The following LRMDA variants were observed in gnomAD, a reference collection of about 807,000 sequenced individuals.
LRMDA encodes leucine-rich melanocyte differentiation-associated protein.
Under a neutral mutation model 29.8 loss-of-function variants are expected in LRMDA, and 18 were observed. That is an observed-to-expected ratio of 0.60 (90% CI 0.42 to 0.90). LRMDA has a LOEUF of 0.90. Among genes scored for constraint, LRMDA ranks in the 40% least tolerant of loss-of-function variants. The probability of loss-of-function intolerance (pLI) is 0.00; values close to 1 mark genes in which losing one functional copy is unlikely to be tolerated. For missense variants in LRMDA, 273 were observed against 273.9 expected (o/e 1.00, Z 0.02); for synonymous variants, 125 against 109.4 (o/e 1.14, Z -0.89).
intron 6 of LRMDA, 22 bp downstream of exon 6, chr10:76,324,507 G>A (rs376408399): frequency 1.9e-6 from 3 of 1,607,608 alleles, no homozygotes; most frequent in African/African-American, 2.7e-5. Context: ...GCTTTTTATT[G>A]CTCTCAGTGG....
chr10:75,812,232 C>T (rs775121607), intron 2 of LRMDA, among the ~76,000 whole-genome samples: 46 of 147,766 alleles, frequency 3.1e-4, no homozygotes, highest in Non-Finnish European at 6.2e-4. Flanking sequence ...TATTTTATGC[C>T]GATGACAAGG....
chr10:76,005,927 T>A (rs201878197), intron 2 of LRMDA, among the ~76,000 whole-genome samples: 1 of 148,412 alleles, frequency 6.7e-6, no homozygotes, highest in Non-Finnish European at 1.5e-5. Context: ...AGACTCCATC[T>A]TAAATAAATA....
intron 2 of LRMDA, among the ~76,000 whole-genome samples, chr10:75,950,222 T>C (rs1846550421): frequency 6.6e-6 from 1 of 152,196 alleles, no homozygotes; most frequent in Non-Finnish European, 1.5e-5. Flanking sequence ...ACTCATCAGC[T>C]CTGCCCTTCT....
intron 2 of LRMDA, among the ~76,000 whole-genome samples, chr10:75,508,787 C>A (rs1192011272): frequency 6.6e-6 from 1 of 152,180 alleles, no homozygotes; most frequent in Non-Finnish European, 1.5e-5. Context: ...ATTACCCACA[C>A]AAATATATTT....
intron 5 of LRMDA, among the ~76,000 whole-genome samples, chr10:76,073,367 G>A (rs539311051): frequency 6.6e-6 from 1 of 152,174 alleles, no homozygotes; most frequent in South Asian, 2.1e-4. Flanking sequence ...TGTTCTTGAT[G>A]TGTTTAATGT....
chr10:76,502,362 T>C (rs1361130401), intron 6 of LRMDA, among the ~76,000 whole-genome samples: 1 of 152,072 alleles, frequency 6.6e-6, no homozygotes, highest in Non-Finnish European at 1.5e-5. Context: ...TTGTTTCATA[T>C]GAATTTTAAA....
chr10:75,488,371 G>A lies in LRMDA; in HGVS notation c.131+49877G>A, dbSNP rs1158422778. ...AACATTGGAAGAAAATAGTCTGAAA[G>A]CTCAGAGTGTGCTTGGCTCCTGGTA... On this transcript the variant is annotated intron_variant, in intron 2 of 6. Coordinates refer to ENST00000611255, the MANE Select transcript of LRMDA (RefSeq NM_001305581.2). Among the ~76,000 whole-genome samples the A allele has an allele frequency of 3.3e-5, 5 of 152,184 alleles. No individual in the cohort carries two copies. The South Asian group carries it at 8.3e-4, about 25-fold the overall frequency.
At chr10:75,446,076 C>G (rs1844391422) in intron 2 of LRMDA, among the ~76,000 whole-genome samples, 1 of 152,240 alleles carries the variant, frequency 6.6e-6, no homozygotes, top group African/African-American at 2.4e-5. Context: ...ACCTGGAATA[C>G]TGTCAGAGCT....
chr10:75,875,527 G>A (rs1194385014), intron 2 of LRMDA, among the ~76,000 whole-genome samples: 5 of 152,124 alleles, frequency 3.3e-5, no homozygotes, highest in East Asian at 1.9e-4. Context: ...TCCGCCTCCC[G>A]GGTTCAAGCG....
chr10:76,417,506 C>A (rs536298212), intron 6 of LRMDA, among the ~76,000 whole-genome samples: 1 of 152,044 alleles, frequency 6.6e-6, no homozygotes, highest in African/African-American at 2.4e-5. Flanking sequence ...GCCCCTGCCC[C>A]CCACAAACTC....
intron 5 of LRMDA, among the ~76,000 whole-genome samples, chr10:76,315,911 C>A (rs1840691203): frequency 1.3e-5 from 2 of 152,266 alleles, no homozygotes; most frequent in African/African-American, 4.8e-5. Context: ...CTCCCCACTC[C>A]AATGACCTGC....
chr10:76,519,759 A>G (rs1174951261), intron 6 of LRMDA, among the ~76,000 whole-genome samples: 1 of 152,176 alleles, frequency 6.6e-6, no homozygotes, highest in Non-Finnish European at 1.5e-5. Context: ...GTGGGACTCA[A>G]CTTGCTCAAT....
At chr10:76,003,842 T>C (rs1463767831) in intron 2 of LRMDA, among the ~76,000 whole-genome samples, 1 of 152,214 alleles carries the variant, frequency 6.6e-6, no homozygotes, top group African/African-American at 2.4e-5. Flanking sequence ...AGATGAAGAA[T>C]ACCTGTGCCT....
At chr10:75,816,195 A>G (rs947399703) in intron 2 of LRMDA, among the ~76,000 whole-genome samples, 7 of 152,146 alleles carry the variant, frequency 4.6e-5, no homozygotes, top group African/African-American at 1.7e-4. Context: ...CTATCTGCCT[A>G]TATAATTCAC....
intron 2 of LRMDA, among the ~76,000 whole-genome samples, chr10:75,791,856 C>CT (rs5786188): frequency 0.15 from 15,749 of 102,042 alleles, 1,745 homozygotes; most frequent in South Asian, 0.24. Flanking sequence ...ATTCCAGGAT[C>CT]TTTTTTTTTT....
At chr10:75,928,515 T>C (rs1052316372) in intron 2 of LRMDA, among the ~76,000 whole-genome samples, 11 of 152,164 alleles carry the variant, frequency 7.2e-5, no homozygotes, top group Admixed American at 7.2e-4. Flanking sequence ...AATGTCTTAT[T>C]AAGCAAGATA....
intron 2 of LRMDA, among the ~76,000 whole-genome samples, chr10:76,014,409 G>A (rs1299103764): frequency 6.6e-6 from 1 of 151,476 alleles, no homozygotes; most frequent in Non-Finnish European, 1.5e-5. Context: ...TCACTTTCTG[G>A]TGTTTTGTGT....
intron 2 of LRMDA, among the ~76,000 whole-genome samples, chr10:75,706,845 C>T (rs543695128): frequency 6.6e-6 from 1 of 151,602 alleles, no homozygotes; most frequent in African/African-American, 2.4e-5. Context: ...CTGCCATGCA[C>T]CCTTTGTCTA....
At chr10:75,586,386 C>T (rs1156973254) in intron 2 of LRMDA, among the ~76,000 whole-genome samples, 2 of 111,800 alleles carry the variant, frequency 1.8e-5, no homozygotes, top group African/African-American at 3.3e-5. Context: ...GAGACAGGAT[C>T]TCACTCTGTC....
Sources: allele counts gnomAD v4.1 joint callset (sites outside exome capture counted in the v4.1 genomes callset), GRCh38; gene constraint gnomAD v4.1.1; transcripts MANE v1.5; gene names NCBI Gene and HGNC (gene_info 2026-07-23, HGNC 2026-07-21).